The following PGAM1 variants were observed in gnomAD, a reference collection of about 807,000 sequenced individuals.
PGAM1 encodes the protein phosphoglycerate mutase 1, also known as BPG-dependent PGAM 1.
Under a neutral mutation model 23.5 loss-of-function variants are expected in PGAM1, and 21 were observed. The ratio of observed to expected loss-of-function variants is 0.89; its 90% CI spans 0.63 to 1.29. PGAM1 has a LOEUF of 1.29. PGAM1 is among the 50% of genes most tolerant of loss of function. PGAM1 has a pLI of 0.00. For missense variants in PGAM1, 232 were observed against 336.3 expected (o/e 0.69, Z 2.42); for synonymous variants, 109 against 128.6 (o/e 0.85, Z 1.03).
chr10:97,430,890 ATCATGAAG>A (rs1378829997), intron 2 of PGAM1, 57 bp from the exon 3 acceptor site: 1 of 1,600,320 alleles, frequency 6.2e-7, no homozygotes, highest in Non-Finnish European at 8.6e-7. Context: ...AAATCGATAC[ATCATGAAG>A]TCTTTTAACA....
chr10:97,428,045 A>G (rs1239629010), intron 1 of PGAM1: 3 of 724,974 alleles, frequency 4.1e-6, no homozygotes, highest in Non-Finnish European at 4.1e-6. Context: ...AAAGGAGGCC[A>G]TTTTCTTTAG....
intron 2 of PGAM1, 30 bp downstream of exon 2, chr10:97,430,683 G>T (rs1466993336): frequency 6.2e-7 from 1 of 1,602,170 alleles, no homozygotes. Flanking sequence ...TGGTCACTCC[G>T]CCCAGGATCA....
In PGAM1 at chr10:97,430,538, A is replaced by T. The variant is rs1203125780; in HGVS notation, c.299A>T (p.Lys100Ile). The change falls in exon 2 of 4, where the codon AAA becomes ATA. Residue 100 changes from lysine to isoleucine, a missense_variant. This residue lies in a region of PGAM1 where 191 missense variants were observed against 241.7 expected (regional missense o/e 0.79). Transcript: ENST00000334828. ...TATGGGGGTCTAACCGGTCTCAATA[A>T]AGCAGAAACTGCTGCAAAGCATGGT... ...RHYGGLTGLNKAETAAKHGEA... is the reference protein window; with the variant it reads ...RHYGGLTGLNIAETAAKHGEA... The T allele has an allele frequency of 2.3e-5, 37 of 1,600,790 alleles. No individual in the cohort carries two copies. Among genetic ancestry groups the T allele is most frequent in the Non-Finnish European group, 3.1e-5 (37 of 1,179,846 alleles).
intron 1 of PGAM1, chr10:97,427,490 A>G: frequency 9.7e-7 from 1 of 1,026,724 alleles, no homozygotes; most frequent in Non-Finnish European, 1.2e-6. Flanking sequence ...AAAAGTGAGT[A>G]TTTGGAAAGA....
chr10:97,426,779 A>G (rs1845414776), intron 1 of PGAM1, among the ~76,000 whole-genome samples: 1 of 152,218 alleles, frequency 6.6e-6, no homozygotes, highest in African/African-American at 2.4e-5. Flanking sequence ...CACGCCTGTA[A>G]TCCCAGCATG....
In PGAM1 at chr10:97,430,382, C is replaced by T. The variant is rs766758123; in HGVS notation, c.143C>T (p.Ala48Val). The T allele has an allele frequency of 8.4e-5, 135 of 1,611,698 alleles. No homozygotes were observed. Among genetic ancestry groups the T allele is most frequent in the Non-Finnish European group, 1.1e-4 (124 of 1,179,882 alleles). The change falls in exon 2 of 4, where the codon GCT becomes GTT. Residue 48 changes from alanine to valine, a missense_variant. This residue lies in a region of PGAM1 where 38 missense variants were observed against 77.1 expected (regional missense o/e 0.49). Coordinates refer to ENST00000334828, the MANE Select transcript of PGAM1 (RefSeq NM_002629.4). ...ACTTTGAACTTCTGATTTCCAGATG[C>T]TGGCTATGAGTTTGACATCTGCTTC... is the stretch of plus-strand genomic sequence containing the variant. ...AKRGGQALRDAGYEFDICFTS... is the reference protein window; with the variant it reads ...AKRGGQALRDVGYEFDICFTS...
chr10:97,429,914 C>T (rs976949920), intron 1 of PGAM1, among the ~76,000 whole-genome samples: 2 of 151,932 alleles, frequency 1.3e-5, no homozygotes, highest in African/African-American at 2.4e-5. Flanking sequence ...GATATGGTGG[C>T]GTGCGCCTGT....
rs762556490 is a variant in PGAM1 at position 97,426,313 on chromosome 10, C to T, written c.6C>T (p.Ala2=). The T allele has an allele frequency of 1.1e-5, 17 of 1,610,358 alleles. No homozygotes were observed. Among genetic ancestry groups the T allele is most frequent in the Non-Finnish European group, 1.3e-5 (15 of 1,179,236 alleles). Residue 2 remains alanine (A), a synonymous_variant, in exon 1 of 4, where the codon GCC becomes GCT. Transcript: ENST00000334828. M[A]AYKLVLIRHG... ...CGCATCCCCAGCCCGCCGCCATGGC[C>T]GCCTACAAACTGGTGCTGATCCGGC...
chr10:97,430,687 A>C (rs780740811), intron 2 of PGAM1, 34 bp downstream of exon 2: 2 of 1,602,132 alleles, frequency 1.2e-6, no homozygotes, highest in Non-Finnish European at 1.7e-6. Flanking sequence ...CACTCCGCCC[A>C]GGATCAGGGG....
chr10:97,426,316 CT>C lies in PGAM1; in HGVS notation c.10del (p.Tyr4ThrfsTer5). MAA[Y>X]KLVLIRHGES... Reference sequence around the variant, plus strand: ...ATCCCCAGCCCGCCGCCATGGCCGCCTACAAACTGGTGCTGATCCGGCACGG... The same window carrying C: ...ATCCCCAGCCCGCCGCCATGGCCGCCACAAACTGGTGCTGATCCGGCACGG... On this transcript the variant is annotated frameshift_variant, in exon 1 of 4. Coordinates refer to ENST00000334828, the MANE Select transcript of PGAM1 (RefSeq NM_002629.4). LOFTEE classifies it high-confidence loss of function. 6.2e-7 allele frequency: 1 copy of C among 1,610,540 alleles called. No homozygotes were observed. The highest frequency in any genetic ancestry group is 8.5e-7 in the Non-Finnish European group (1 of 1,179,236).
chr10:97,430,755 T>C, intron 2 of PGAM1, 102 bp downstream of exon 2: 1 of 1,550,582 alleles, frequency 6.4e-7, no homozygotes, highest in South Asian at 1.1e-5. Flanking sequence ...AAATAGTTAA[T>C]TGTAATCCTT....
chr10:97,428,214 A>G (rs1394505128), intron 1 of PGAM1, among the ~76,000 whole-genome samples: 4 of 152,258 alleles, frequency 2.6e-5, no homozygotes, highest in Non-Finnish European at 5.9e-5. Context: ...TGTTAGCATT[A>G]AATTAAAAAT....
At chr10:97,427,539 T>C in intron 1 of PGAM1, 3 of 1,116,918 alleles carry the variant, frequency 2.7e-6, no homozygotes, top group Non-Finnish European at 3.3e-6. Flanking sequence ...TAGTCCAGTG[T>C]CCTCGCCCTA....
chr10:97,428,614 G>C (rs1398795549), intron 1 of PGAM1, among the ~76,000 whole-genome samples: 1 of 152,256 alleles, frequency 6.6e-6, no homozygotes, highest in East Asian at 1.9e-4. Context: ...AATAATTGCA[G>C]TGAAACAGCC....
chr10:97,426,350 G>T lies in PGAM1; in HGVS notation c.43G>T (p.Ala15Ser), dbSNP rs1467134778. The T allele has an allele frequency of 1.2e-6, 2 of 1,610,064 alleles. No individual in the cohort carries two copies. The highest frequency in any genetic ancestry group is 1.3e-5 in the African/African-American group (1 of 74,776). ...KLVLIRHGESAWNLENRFSGW... is the reference protein window; with the variant it reads ...KLVLIRHGESSWNLENRFSGW... ...GGTGCTGATCCGGCACGGCGAGAGCGCATGGAACCTGGAGAACCGCTTCAG... is the reference window on the plus strand; with the variant it reads ...GGTGCTGATCCGGCACGGCGAGAGCTCATGGAACCTGGAGAACCGCTTCAG... Residue 15 changes from alanine (A) to serine (S), a missense_variant, in exon 1 of 4, where the codon GCA (alanine) becomes TCA (serine). Around this residue, in one of 3 missense-constraint regions of PGAM1, gnomAD observed 38 missense variants for 77.1 expected, o/e 0.49. Coordinates refer to ENST00000334828, the MANE Select transcript of PGAM1 (RefSeq NM_002629.4).
At position 97,426,203 on chromosome 10, in the gene PGAM1, G is replaced by GGGAGCCGGAC; in HGVS notation, c.-104_-95dup. On this transcript the variant is annotated 5_prime_UTR_variant, in exon 1 of 4. Coordinates refer to ENST00000334828, the MANE Select transcript of PGAM1 (RefSeq NM_002629.4). ...GAAAGATTTGGGCGAGAACTTGCGC[G>GGGAGCCGGAC]GGAGCCGGACTGAGCGGTGCGAGCG... 6.5e-7 allele frequency: 1 copy of GGGAGCCGGAC among 1,544,420 alleles called. No individual in the cohort carries two copies. The highest frequency in any genetic ancestry group is 8.9e-7 in the Non-Finnish European group (1 of 1,127,028).
chr10:97,429,595 G>C (rs911425116), intron 1 of PGAM1, among the ~76,000 whole-genome samples: 1 of 152,144 alleles, frequency 6.6e-6, no homozygotes, highest in Admixed American at 6.5e-5. Context: ...TATTAGGCTG[G>C]AACTTTGTGA....
intron 3 of PGAM1, 65 bp from the exon 4 acceptor site, chr10:97,432,290 A>G: frequency 6.2e-7 from 1 of 1,605,188 alleles, no homozygotes; most frequent in Non-Finnish European, 8.5e-7. Context: ...CTGGAGGACA[A>G]AGTAAACCTG....
At chr10:97,427,612 C>T in intron 1 of PGAM1, 1 of 1,177,080 alleles carries the variant, frequency 8.5e-7, no homozygotes, top group South Asian at 1.6e-5. Flanking sequence ...GGACGCTGGG[C>T]AAAGGTGGAA....
Sources: gnomAD v4.1 joint callset for allele counts (sites outside exome capture counted in the v4.1 genomes callset) on GRCh38, gnomAD v4.1.1 for gene constraint, gnomAD v4.1.1 regional missense constraint, MANE v1.5 for transcripts, NCBI Gene and HGNC (gene_info 2026-07-23, HGNC 2026-07-21) for gene names.